The following CTNNA2 variants were observed in gnomAD, a reference collection of about 807,000 sequenced individuals.
CTNNA2 encodes catenin alpha 2.
Under a neutral mutation model 101.0 loss-of-function variants are expected in CTNNA2, and 42 were observed. That is an observed-to-expected ratio of 0.42 (90% confidence interval 0.32 to 0.54). The LOEUF is 0.54. Ranked by LOEUF, CTNNA2 falls within the 20% of genes least tolerant of loss-of-function variation. The pLI, the probability that CTNNA2 is intolerant of heterozygous loss-of-function variation, is 0.14. For missense variants in CTNNA2, 871 were observed against 1,223.1 expected, an observed-to-expected ratio of 0.71 and a Z score of 4.29; for synonymous variants, 450 against 456.4, an observed-to-expected ratio of 0.99 and a Z score of 0.18.
chr2:80,426,655 A>G lies in CTNNA2; in HGVS notation c.1290+7054A>G, dbSNP rs891771297. 1.8e-4 allele frequency among the ~76,000 whole-genome samples: 28 copies of G among 152,102 alleles called. 1 individual carries two copies. On this transcript the variant is annotated intron_variant, in intron 9 of 18. Coordinates refer to ENST00000402739, the MANE Select transcript of CTNNA2 (RefSeq NM_001282597.3). ...GAGACTTCCTCTTCTTATCAGGTTAAAGACCAACATTGTAAAGAAGCTTAC... is the reference window on the plus strand; with the variant it reads ...GAGACTTCCTCTTCTTATCAGGTTAGAGACCAACATTGTAAAGAAGCTTAC...
chr2:80,633,610 AAAG>A (rs563716098), intron 18 of CTNNA2, among the ~76,000 whole-genome samples: 73 of 152,324 alleles, frequency 4.8e-4, no homozygotes, highest in Middle Eastern at 6.8e-3. Flanking sequence ...CTGCCTGGTC[AAAG>A]AAGACTGCAT....
intron 4 of CTNNA2, among the ~76,000 whole-genome samples, chr2:79,471,375 T>A (rs955778556): frequency 2.6e-5 from 4 of 152,150 alleles, no homozygotes; most frequent in African/African-American, 9.7e-5. Context: ...ATGTTTGGGT[T>A]TGGATGAGGG....
chr2:80,263,955 G>A (rs1672810994), intron 7 of CTNNA2, among the ~76,000 whole-genome samples: 1 of 152,154 alleles, frequency 6.6e-6, no homozygotes, highest in Non-Finnish European at 1.5e-5. Context: ...GCTTATTAAA[G>A]CATATTGTAA....
At chr2:79,818,939 C>T (rs1677785957) in intron 3 of CTNNA2, among the ~76,000 whole-genome samples, 1 of 143,478 alleles carries the variant, frequency 7.0e-6, no homozygotes, top group Non-Finnish European at 1.5e-5. Flanking sequence ...AAAAGTATTG[C>T]TTTATCCCTA....
chr2:79,944,375 A>G (rs1688352598), intron 7 of CTNNA2, among the ~76,000 whole-genome samples: 1 of 152,240 alleles, frequency 6.6e-6, no homozygotes, highest in Non-Finnish European at 1.5e-5. Context: ...AACAAGTCAT[A>G]TATGTACCCA....
At chr2:79,929,968 G>A (rs1366045534) in intron 7 of CTNNA2, among the ~76,000 whole-genome samples, 5 of 152,054 alleles carry the variant, frequency 3.3e-5, no homozygotes, top group African/African-American at 1.2e-4. Flanking sequence ...CAGCCGTGGT[G>A]GCAAATGCCT....
At chr2:80,581,606 C>G in intron 13 of CTNNA2, 100 bp from the exon 14 acceptor site, 1 of 735,916 alleles carries the variant, frequency 1.4e-6, no homozygotes, top group Non-Finnish European at 2.4e-6. Context: ...ATGCTATAAG[C>G]TCTGTTTGCT....
At chr2:80,298,537 G>A (rs1375633088) in intron 7 of CTNNA2, 6 of 152,190 alleles carry the variant, frequency 3.9e-5, no homozygotes, top group African/African-American at 1.4e-4. Flanking sequence ...GGAAACACAA[G>A]TGGCCCCTAA....
intron 2 of CTNNA2, among the ~76,000 whole-genome samples, chr2:79,285,072 T>C (rs1466854275): frequency 2.7e-5 from 4 of 148,880 alleles, no homozygotes; most frequent in South Asian, 2.2e-4. Flanking sequence ...TATTCTCTGA[T>C]GGTAGTTTGT....
intron 7 of CTNNA2, chr2:80,288,956 G>A (rs1178078818): frequency 6.6e-6 from 1 of 152,122 alleles, no homozygotes; most frequent in Admixed American, 6.6e-5. Flanking sequence ...TGTTTCTCAT[G>A]GGCCGACAGA....
chr2:79,700,007 G>C (rs1478536521), intron 2 of CTNNA2, among the ~76,000 whole-genome samples: 1 of 150,882 alleles, frequency 6.6e-6, no homozygotes, highest in Non-Finnish European at 1.5e-5. Flanking sequence ...GTGAGGAAGG[G>C]CAAGATGCTG....
At chr2:80,273,764 A>G (rs1306057796) in intron 7 of CTNNA2, among the ~76,000 whole-genome samples, 1 of 151,876 alleles carries the variant, frequency 6.6e-6, no homozygotes, top group Non-Finnish European at 1.5e-5. Context: ...TGGTTCCTTC[A>G]AAGTTCCGTT....
chr2:80,061,665 A>G (rs1697609352), intron 7 of CTNNA2, among the ~76,000 whole-genome samples: 1 of 152,136 alleles, frequency 6.6e-6, no homozygotes, highest in South Asian at 2.1e-4. Flanking sequence ...TTGTTCAAAT[A>G]TATATATATG....
intron 9 of CTNNA2, among the ~76,000 whole-genome samples, chr2:80,470,645 C>T (rs1351594846): frequency 1.3e-5 from 2 of 152,094 alleles, no homozygotes; most frequent in Non-Finnish European, 2.9e-5. Flanking sequence ...CATTGAATAC[C>T]TACTGTGCGC....
At chr2:80,562,931 G>A (rs1172805548) in intron 12 of CTNNA2, among the ~76,000 whole-genome samples, 1 of 151,734 alleles carries the variant, frequency 6.6e-6, no homozygotes, top group Admixed American at 6.6e-5. Flanking sequence ...TGAAGGTGGA[G>A]ATAGGGTACG....
rs936811376 is a variant in CTNNA2, at chr2:80,627,966, A to G, written c.2574+8738A>G. Among the ~76,000 whole-genome samples, 5 of 152,058 alleles carry G rather than the reference A, an allele frequency of 3.3e-5. No individual in the cohort carries two copies. In the South Asian group the frequency reaches 1.0e-3, roughly 31 times the overall value. ...AAATTGCAAGCATTCCTATTTACCA[A>G]TAAGAGACAAACAGAGAGCCAAGTC... On this transcript the variant is annotated intron_variant, in intron 18 of 18. Transcript: ENST00000402739.
chr2:79,425,544 G>T lies in CTNNA2; in HGVS notation c.-135+51531G>T, dbSNP rs141636395. On this transcript the variant is annotated intron_variant, in intron 4 of 21. Coordinates refer to the CTNNA2 transcript ENST00000466387. ...TGTCCTCATCTGATGGAAGGCAGAAGGGCAAGTTAGGCAAACTGCATAAAG... is the reference window on the plus strand; with the variant it reads ...TGTCCTCATCTGATGGAAGGCAGAATGGCAAGTTAGGCAAACTGCATAAAG... Among the ~76,000 whole-genome samples, 687 of 152,206 alleles carry T rather than the reference G, an allele frequency of 4.5e-3. 5 individuals carry two copies. The highest frequency in any genetic ancestry group is 7.4e-3 in the Non-Finnish European group (501 of 67,992).
chr2:79,856,094 T>A (rs2103938485), intron 3 of CTNNA2, among the ~76,000 whole-genome samples: 1 of 152,354 alleles, frequency 6.6e-6, no homozygotes, highest in Non-Finnish European at 1.5e-5. Context: ...GAGTAGTGAA[T>A]TTTTAAGTTT....
intron 2 of CTNNA2, among the ~76,000 whole-genome samples, chr2:79,259,327 A>G (rs1393178189): frequency 6.6e-6 from 1 of 152,184 alleles, no homozygotes; most frequent in African/African-American, 2.4e-5. Flanking sequence ...ACTTCCAAAT[A>G]ACAAAGACTG....
Sources: gnomAD v4.1 joint callset for allele counts (sites outside exome capture counted in the v4.1 genomes callset) on GRCh38, gnomAD v4.1.1 for gene constraint, MANE v1.5 for transcripts, NCBI Gene and HGNC (gene_info 2026-07-23, HGNC 2026-07-21) for gene names.